The following TRAF3IP3 variants were observed in gnomAD, a reference collection of about 807,000 sequenced individuals.
TRAF3IP3 encodes TRAF3-interacting JNK-activating modulator.
TRAF3IP3 carries 64 observed loss-of-function variants against 86.5 expected under a neutral mutation model. That is an observed-to-expected ratio of 0.74 (90% CI 0.60 to 0.91). The LOEUF (loss-of-function observed/expected upper bound fraction) is 0.91, where lower values mean the gene tolerates loss of function less well. TRAF3IP3 is among the 40% of genes least tolerant of loss of function. TRAF3IP3 has a pLI of 0.00. For synonymous variants in TRAF3IP3, 220 were observed against 243.9 expected (o/e 0.90, Z 0.91); for missense variants, 579 against 642.9 (o/e 0.90, Z 1.07).
At chr1:209,770,431 G>GTGTGTGTGCATGTGGAGGTA (rs2077445737) in intron 8 of TRAF3IP3, among the ~76,000 whole-genome samples, 1 of 150,276 alleles carries the variant, frequency 6.7e-6, no homozygotes, top group Non-Finnish European at 1.5e-5. Flanking sequence ...ATGTGGAGGT[G>GTGTGTGTGCATGTGGAGGTA]TGTGTGTGCA....
chr1:209,759,998 C>A lies in TRAF3IP3; in HGVS notation c.-42C>A. 1 of 1,548,034 alleles carries A rather than the reference C, an allele frequency of 6.5e-7. No individual in the cohort carries two copies. The highest frequency in any genetic ancestry group is 1.7e-5 in the Admixed American group (1 of 58,036). ...ATTTGGCAGATCCAGGCATCTATTC[C>A]AGGAACTGGAAGCCAAGCGCAACAG... On this transcript the variant is annotated 5_prime_UTR_variant, in exon 3 of 17. Transcript: ENST00000367025.
At chr1:209,779,211 G>T in intron 13 of TRAF3IP3, 104 bp from the exon 14 acceptor site, 1 of 863,638 alleles carries the variant, frequency 1.2e-6, no homozygotes, top group Admixed American at 2.2e-5. Flanking sequence ...ACACACAGCA[G>T]ATGGGAACAT....
In TRAF3IP3 at chr1:209,760,268, G is replaced by A. The variant is rs781706845; in HGVS notation, c.229G>A (p.Gly77Ser). The A allele has an allele frequency of 1.4e-5, 22 of 1,614,228 alleles. No individual in the cohort carries two copies. The highest frequency in any genetic ancestry group is 1.8e-5 in the Non-Finnish European group (21 of 1,180,034). ...RRRNLELEEKGKAQHPQAREQ... is the reference protein window; with the variant it reads ...RRRNLELEEKSKAQHPQAREQ... ...GAGGAACCTGGAGCTAGAGGAGAAG[G>A]GCAAAGCGCAGCATCCCCAGGCCAG... Residue 77 changes from glycine to serine, a missense_variant, in exon 3 of 17, where the codon GGC becomes AGC. By Grantham distance (56) the Gly-to-Ser change is moderately conservative. Transcript: ENST00000367025.
intron 8 of TRAF3IP3, among the ~76,000 whole-genome samples, chr1:209,766,681 T>C (rs936085748): frequency 2.6e-5 from 4 of 152,166 alleles, no homozygotes; most frequent in African/African-American, 4.8e-5. Flanking sequence ...CTGGCCAACA[T>C]GGCGAAAACC....
At chr1:209,763,037 T>C (rs201577088) in intron 5 of TRAF3IP3, 31 bp from the exon 6 acceptor site, 2 of 1,612,600 alleles carry the variant, frequency 1.2e-6, no homozygotes, top group Non-Finnish European at 1.7e-6. Context: ...TTTGGTCCAT[T>C]ATCATTATTT....
rs17015183 is a variant in TRAF3IP3, at chr1:209,775,366, A to C, written c.792A>C (p.Gly264=). 0.17 allele frequency: 277,008 copies of C among 1,612,028 alleles called. 24,968 individuals carry two copies. Among genetic ancestry groups the C allele is most frequent in the African/African-American group, 0.27 (20,105 of 74,904 alleles). Residue 264 remains glycine, a synonymous_variant, in exon 10 of 17, where the codon GGA becomes GGC. Transcript: ENST00000367025. ...ATTTACAGAAATACTCCCCTTGGGG[A>C]ATGAAAAAAGTACTACTGGAGATGG... ...YTCTQKYSPW[G]MKKVLLEMED...
At chr1:209,774,850 C>T (rs928444436) in intron 9 of TRAF3IP3, among the ~76,000 whole-genome samples, 1 of 152,134 alleles carries the variant, frequency 6.6e-6, no homozygotes, top group African/African-American at 2.4e-5. Context: ...CATAACACTA[C>T]TACTAGAGCC....
At chr1:209,777,194 G>A in intron 11 of TRAF3IP3, 158 bp from the exon 12 acceptor site, 1 of 559,470 alleles carries the variant, frequency 1.8e-6, no homozygotes, top group Non-Finnish European at 3.0e-6. Context: ...GAAGAAATAG[G>A]AAAAAAGAAA....
At position 209,762,613 on chromosome 1, in the gene TRAF3IP3, C is replaced by A. The variant is rs774645995; in HGVS notation, c.444C>A (p.Gly148=). The A allele has an allele frequency of 1.5e-5, 23 of 1,518,894 alleles. No individual in the cohort carries two copies. The South Asian group carries it at 3.0e-4, about 20-fold the overall frequency. 94.1% of individuals were successfully genotyped at this position (1,518,894 alleles called of 1,614,324 possible). A position where few individuals can be genotyped will look rare whatever the true frequency, so the allele number is the denominator to read the frequency against. The change falls in exon 4 of 17, where the codon GGC becomes GGA. Residue 148 remains glycine (G), a synonymous_variant. Transcript: ENST00000367025. ...ACCACCTCTCCTCACAGGCTGGGGG[C>A]CTTCCTCCACAGGACACTCCCATCA... The part of the protein sequence containing the change: ...LSDHLSSQAG[G]LPPQDTPIKK...
chr1:209,763,157 C>T (rs2077277754), intron 6 of TRAF3IP3, 65 bp downstream of exon 6: 1 of 1,562,286 alleles, frequency 6.4e-7, no homozygotes, highest in East Asian at 2.2e-5. Context: ...TTCTGGAATT[C>T]CATGATAAAC....
chr1:209,781,699 T>C (rs934801589), intron 16 of TRAF3IP3: 2 of 492,852 alleles, frequency 4.1e-6, no homozygotes, highest in South Asian at 2.4e-5. Context: ...AGCTAAAGTA[T>C]GAAAGGGTGT....
Position 209,760,226 on chromosome 1 carries a change from C to T in TRAF3IP3, c.187C>T (p.Gln63Ter), listed in dbSNP as rs767224111. 2.5e-6 allele frequency: 4 copies of T among 1,614,134 alleles called. No homozygotes were observed. The highest frequency in any genetic ancestry group is 1.7e-5 in the Admixed American group (1 of 60,014). ...QREQLQRARL[Q>*]QFFRRRNLEL... The stretch of plus-strand genomic sequence containing the variant: ...AGAGCAGCTCCAGAGAGCTCGACTG[C>T]AGCAGTTCTTCAGGAGGAGGAACCT... Residue 63 changes from glutamine (Q) to a stop codon, truncating the protein, a stop_gained, in exon 3 of 17, where the codon CAG becomes TAG. Transcript: ENST00000367025. LOFTEE classifies it high-confidence loss of function.
intron 8 of TRAF3IP3, among the ~76,000 whole-genome samples, chr1:209,772,095 G>A (rs971676358): frequency 6.6e-6 from 1 of 152,016 alleles, no homozygotes; most frequent in African/African-American, 2.4e-5. Flanking sequence ...GCATGTGGAG[G>A]TGTGTGTGGC....
Position 209,775,384 on chromosome 1 carries a change from G to A in TRAF3IP3, c.810G>A (p.Leu270=), listed in dbSNP as rs772974116. ...CTTGGGGAATGAAAAAAGTACTACT[G>A]GAGATGGAAGACCAGAAAAACAGCT... The part of the protein sequence containing the change: ...YSPWGMKKVL[L]EMEDQKNSYE... The change falls in exon 10 of 17, where the codon CTG becomes CTA. Residue 270 remains leucine, a synonymous_variant. Transcript: ENST00000367025. 35 of 1,613,878 alleles carry A rather than the reference G, an allele frequency of 2.2e-5. No homozygotes were observed. Among genetic ancestry groups the A allele is most frequent in the Non-Finnish European group, 2.8e-5 (33 of 1,179,934 alleles).
At chr1:209,780,969 T>A (rs2077765751) in intron 15 of TRAF3IP3, 1 of 185,732 alleles carries the variant, frequency 5.4e-6, no homozygotes, top group Non-Finnish European at 1.1e-5. Flanking sequence ...AACATACACA[T>A]CCCCAGAAGT....
chr1:209,762,501 C>T lies in TRAF3IP3; in HGVS notation c.346-14C>T. On this transcript the variant is annotated splice_polypyrimidine_tract_variant and intron_variant, in intron 3 of 16. Coordinates refer to ENST00000367025, the MANE Select transcript of TRAF3IP3 (RefSeq NM_025228.4). ...CCAGGCAGTGGTTTTCAGCATTCCCCACTTGCCTTCCAGGTGACAGGCACC... is the reference window on the plus strand; with the variant it reads ...CCAGGCAGTGGTTTTCAGCATTCCCTACTTGCCTTCCAGGTGACAGGCACC... 3 of 1,445,806 alleles carry T rather than the reference C, an allele frequency of 2.1e-6. No individual in the cohort carries two copies. The highest frequency in any genetic ancestry group is 2.7e-6 in the Non-Finnish European group (3 of 1,095,864). The allele number at this position is 1,445,806 out of a possible 1,614,324, so 89.6% of individuals were successfully genotyped here. A position where few individuals can be genotyped will look rare whatever the true frequency, so the allele number is the denominator to read the frequency against.
chr1:209,765,597 G>A (rs949551470), intron 8 of TRAF3IP3, among the ~76,000 whole-genome samples: 2 of 152,152 alleles, frequency 1.3e-5, no homozygotes, highest in Admixed American at 6.5e-5. Flanking sequence ...CGTCCCAGGG[G>A]TGGAGGTTGC....
chr1:209,772,884 A>G (rs2077576231), intron 8 of TRAF3IP3, 64 bp from the exon 9 acceptor site: 7 of 1,389,160 alleles, frequency 5.0e-6, no homozygotes, highest in Admixed American at 3.4e-5. Flanking sequence ...ATAGGAATAT[A>G]GAGTCAAACT....
rs775683922 is a variant in TRAF3IP3 at position 209,781,344 on chromosome 1, G to C, written c.1450-1G>C. 1 of 1,598,980 alleles carries C rather than the reference G, an allele frequency of 6.3e-7. No individual in the cohort carries two copies. Among genetic ancestry groups the C allele is most frequent in the South Asian group, 1.1e-5 (1 of 90,658 alleles). Reference sequence around the variant, plus strand: ...GATGACTTTGGTGATGTTCTCCCCAGTGCAGAGAACTGCATTCAGAATTAG... The same window carrying C: ...GATGACTTTGGTGATGTTCTCCCCACTGCAGAGAACTGCATTCAGAATTAG... On this transcript the variant is annotated splice_acceptor_variant, in intron 15 of 16. Coordinates refer to ENST00000367025, the MANE Select transcript of TRAF3IP3 (RefSeq NM_025228.4). LOFTEE classifies it high-confidence loss of function.
Sources: allele counts gnomAD v4.1 joint callset (sites outside exome capture counted in the v4.1 genomes callset), GRCh38; gene constraint gnomAD v4.1.1; transcripts MANE v1.5; gene names NCBI Gene and HGNC (gene_info 2026-07-23, HGNC 2026-07-21).